Variants in CNTNAP2 observed in about 807,000 individuals in gnomAD.
The protein encoded by CNTNAP2 is contactin-associated protein-like 2.
Under a neutral mutation model 155.2 loss-of-function variants are expected in CNTNAP2, and 98 were observed. The ratio of observed to expected loss-of-function variants is 0.63; its 90% confidence interval spans 0.54 to 0.75. The LOEUF (loss-of-function observed/expected upper bound fraction) is 0.75, where lower values mean the gene tolerates loss of function less well. CNTNAP2 is among the 30% of genes least tolerant of loss of function. The pLI is 0.00. For synonymous variants in CNTNAP2, 651 were observed against 631.2 expected (o/e 1.03, Z -0.47); for missense variants, 1,727 against 1,688.1 (o/e 1.02, Z -0.40).
chr7:146,991,460 A>T (rs769665098), intron 3 of CNTNAP2, among the ~76,000 whole-genome samples: 6 of 152,184 alleles, frequency 3.9e-5, no homozygotes, highest in Admixed American at 6.5e-5. Context: ...CCACCCCAAC[A>T]TGATCGGAAT....
At chr7:146,793,239 C>A (rs1802706022) in intron 2 of CNTNAP2, among the ~76,000 whole-genome samples, 1 of 152,098 alleles carries the variant, frequency 6.6e-6, no homozygotes, top group Non-Finnish European at 1.5e-5. Context: ...ACTCACATAG[C>A]CAAATTGCTC....
chr7:146,582,092 T>G (rs1798620446), intron 1 of CNTNAP2, among the ~76,000 whole-genome samples: 1 of 152,120 alleles, frequency 6.6e-6, no homozygotes, highest in Non-Finnish European at 1.5e-5. Context: ...CTAGTGAAAG[T>G]TAATGGGTAA....
At chr7:146,778,995 G>C (rs73170327) in intron 2 of CNTNAP2, among the ~76,000 whole-genome samples, 24,880 of 152,082 alleles carry the variant, frequency 0.16, 2,363 homozygotes, top group East Asian at 0.3. Context: ...CTGGGGAAAC[G>C]ATAACAGGCT....
intron 9 of CNTNAP2, among the ~76,000 whole-genome samples, chr7:147,380,899 A>G (rs1796523844): frequency 6.6e-6 from 1 of 152,180 alleles, no homozygotes; most frequent in Non-Finnish European, 1.5e-5. Context: ...TAGCAGAGCC[A>G]TCCCCCATAT....
intron 20 of CNTNAP2, among the ~76,000 whole-genome samples, chr7:148,240,676 C>T (rs1359994344): frequency 6.6e-6 from 1 of 152,108 alleles, no homozygotes; most frequent in Admixed American, 6.5e-5. Flanking sequence ...CTCACACGAT[C>T]ACAAGCTGAG....
At chr7:147,228,056 C>G (rs1245717679) in intron 8 of CNTNAP2, among the ~76,000 whole-genome samples, 1 of 151,986 alleles carries the variant, frequency 6.6e-6, no homozygotes, top group Admixed American at 6.6e-5. Context: ...AAAATCGTGT[C>G]AAGGAACAGT....
chr7:148,409,300 T>C, intron 22 of CNTNAP2, 91 bp from the exon 23 acceptor site: 1 of 976,926 alleles, frequency 1.0e-6, no homozygotes, highest in Non-Finnish European at 1.6e-6. Flanking sequence ...AAACAGGAAG[T>C]GTTGAAGAGT....
chr7:147,306,501 A>G (rs985800793), intron 9 of CNTNAP2, among the ~76,000 whole-genome samples: 2 of 152,236 alleles, frequency 1.3e-5, no homozygotes, highest in African/African-American at 2.4e-5. Context: ...AGGGAATTTC[A>G]TGTCCATATG....
intron 2 of CNTNAP2, among the ~76,000 whole-genome samples, chr7:146,820,077 G>A (rs898503720): frequency 6.6e-6 from 1 of 152,086 alleles, no homozygotes; most frequent in African/African-American, 2.4e-5. Context: ...TAGATATTTC[G>A]AGCAGTGCTC....
At chr7:147,224,416 G>C (rs535338369) in intron 8 of CNTNAP2, among the ~76,000 whole-genome samples, 1 of 152,266 alleles carries the variant, frequency 6.6e-6, no homozygotes, top group African/African-American at 2.4e-5. Flanking sequence ...ACACACAGCA[G>C]AGTTAAATAT....
At chr7:147,891,676 C>T (rs11769191) in intron 13 of CNTNAP2, among the ~76,000 whole-genome samples, 6,275 of 151,950 alleles carry the variant, frequency 0.041, 192 homozygotes, top group Non-Finnish European at 0.062. Context: ...AAAAAAACAA[C>T]ATCTACCTGG....
At chr7:148,218,536 CA>C (rs1355137480) in intron 19 of CNTNAP2, among the ~76,000 whole-genome samples, 1 of 152,048 alleles carries the variant, frequency 6.6e-6, no homozygotes, top group African/African-American at 2.4e-5. Flanking sequence ...GGATCACAGG[CA>C]CATACCACCA....
intron 1 of CNTNAP2, among the ~76,000 whole-genome samples, chr7:146,220,367 G>C (rs112889197): frequency 6.6e-6 from 1 of 152,018 alleles, no homozygotes; most frequent in African/African-American, 2.4e-5. Flanking sequence ...TCTTAAAATT[G>C]TCTGTATTTG....
chr7:148,410,264 G>A (rs926791779), intron 23 of CNTNAP2, among the ~76,000 whole-genome samples: 35 of 136,392 alleles, frequency 2.6e-4, no homozygotes, highest in Non-Finnish European at 1.7e-4. Flanking sequence ...CCAGGATAGC[G>A]TACTATAAAA....
chr7:147,386,688 A>T (rs1796631427), intron 9 of CNTNAP2, among the ~76,000 whole-genome samples: 1 of 152,132 alleles, frequency 6.6e-6, no homozygotes, highest in Non-Finnish European at 1.5e-5. Context: ...GTCTCTAAGG[A>T]GTTCCGAACT....
chr7:147,532,544 T>C (rs1394540357), intron 11 of CNTNAP2, among the ~76,000 whole-genome samples: 1 of 152,220 alleles, frequency 6.6e-6, no homozygotes, highest in African/African-American at 2.4e-5. Context: ...CCAAAGTTGC[T>C]TCACACATTT....
rs1313633257 is a variant in CNTNAP2, at chr7:146,833,333, GTTC to G, written c.209-6372_209-6370del. ...TGTCATTTGAAATTTTCATTTGCAT[GTTC>G]TTCTTGACAGCCAGTCTCTCTCTTT... On this transcript the variant is annotated intron_variant, in intron 2 of 23. Transcript: ENST00000361727. Among the ~76,000 whole-genome samples the G allele has an allele frequency of 2.6e-5, 4 of 152,020 alleles. No individual in the cohort carries two copies. The East Asian group carries it at 5.8e-4, about 22-fold the overall frequency.
chr7:147,762,888 C>T (rs764250584), intron 13 of CNTNAP2, among the ~76,000 whole-genome samples: 1 of 151,946 alleles, frequency 6.6e-6, no homozygotes, highest in South Asian at 2.1e-4. Context: ...TTGTGTTGTT[C>T]GACAGTTATT....
intron 9 of CNTNAP2, among the ~76,000 whole-genome samples, chr7:147,316,875 A>C (rs182497379): frequency 1.6e-3 from 243 of 152,322 alleles, no homozygotes; most frequent in African/African-American, 5.5e-3. Context: ...AATGGTATAC[A>C]AAAAGGTTAA....
Sources: gnomAD v4.1 joint callset for allele counts (sites outside exome capture counted in the v4.1 genomes callset) on GRCh38, gnomAD v4.1.1 for gene constraint, MANE v1.5 for transcripts, NCBI Gene and HGNC (gene_info 2026-07-23, HGNC 2026-07-21) for gene names.